SYT16: variants seen among roughly 807,000 people sequenced by gnomAD.
The protein encoded by SYT16 is synaptotagmin 16.
A neutral mutation model predicts 61.4 loss-of-function variants in SYT16; 42 were observed. The ratio of observed to expected loss-of-function variants is 0.68; its 90% CI spans 0.53 to 0.89. SYT16 has a LOEUF of 0.89. Ranked by LOEUF, SYT16 falls within the 40% of genes least tolerant of loss-of-function variation. The pLI, the probability that SYT16 is intolerant of heterozygous loss-of-function variation, is 0.00. For missense variants in SYT16, 804 were observed against 807.3 expected (o/e 1.00, Z 0.05); for synonymous variants, 314 against 302.3 (o/e 1.04, Z -0.40).
chr14:62,052,369 AT>A (rs2055346801), intron 3 of SYT16, among the ~76,000 whole-genome samples: 1 of 152,168 alleles, frequency 6.6e-6, no homozygotes. Context: ...TTCCAAAAGC[AT>A]TTTTATAATT....
chr14:62,087,978 C>A (rs1343726801), intron 7 of SYT16, among the ~76,000 whole-genome samples: 1 of 152,100 alleles, frequency 6.6e-6, no homozygotes, highest in Non-Finnish European at 1.5e-5. Flanking sequence ...AAATTTGCAC[C>A]AAGTATTGGT....
At chr14:61,907,016 G>A (rs1475241) in intron 1 of SYT16, among the ~76,000 whole-genome samples, 26,307 of 152,130 alleles carry the variant, frequency 0.17, 2,722 homozygotes, top group East Asian at 0.33. Context: ...AAGTTATGAT[G>A]GATATAAAAA....
intron 5 of SYT16, chr14:62,079,266 G>T (rs574087749): frequency 2.6e-5 from 19 of 729,870 alleles, no homozygotes; most frequent in Admixed American, 4.1e-5. Context: ...AAACACTCAC[G>T]CATGATTGCA....
At chr14:62,072,892 A>T (rs913174179) in intron 4 of SYT16, among the ~76,000 whole-genome samples, 25 of 152,216 alleles carry the variant, frequency 1.6e-4, no homozygotes, top group Non-Finnish European at 3.4e-4. Flanking sequence ...TCTCTGTTAA[A>T]ATAAATTTGG....
At chr14:61,980,538 G>A (rs147252631) in intron 2 of SYT16, among the ~76,000 whole-genome samples, 25 of 152,254 alleles carry the variant, frequency 1.6e-4, no homozygotes, top group African/African-American at 6.0e-4. Flanking sequence ...TTTGGTGTGT[G>A]CAAATTCCAA....
intron 3 of SYT16, among the ~76,000 whole-genome samples, chr14:62,054,371 T>G (rs2055449331): frequency 6.6e-6 from 1 of 150,582 alleles, no homozygotes; most frequent in Non-Finnish European, 1.5e-5. Context: ...TTTTTTTTTT[T>G]TTTTTTGGAG....
intron 1 of SYT16, among the ~76,000 whole-genome samples, chr14:61,869,005 C>G (rs2047245313): frequency 6.6e-6 from 1 of 151,986 alleles, no homozygotes; most frequent in Admixed American, 6.6e-5. Context: ...CTATGTACTC[C>G]TGATGACTTG....
intron 1 of SYT16, among the ~76,000 whole-genome samples, chr14:61,958,753 T>C (rs994963759): frequency 6.6e-5 from 10 of 152,088 alleles, no homozygotes; most frequent in Admixed American, 1.3e-4. Context: ...GTTCTGTATG[T>C]ATCTGTTAGG....
intron 1 of SYT16, among the ~76,000 whole-genome samples, chr14:61,836,426 T>C (rs1594727575): frequency 1.3e-5 from 2 of 152,282 alleles, no homozygotes; most frequent in South Asian, 4.1e-4. Context: ...AGAAAACCAA[T>C]TGATGGTTTG....
chr14:62,109,298 T>C lies in SYT16; in HGVS notation c.*8591T>C, dbSNP rs533405192. On this transcript the variant is annotated 3_prime_UTR_variant, in exon 8 of 8. Coordinates refer to ENST00000683842, the MANE Select transcript of SYT16 (RefSeq NM_001367656.1). ...GCCTTTTCAGATTGGCTTTTTTTTT[T>C]TTCACTTAGGGATAGTCATGTAAGT... The C allele has an allele frequency of 2.0e-5, 3 of 152,154 alleles. No individual in the cohort carries two copies. Among genetic ancestry groups the C allele is most frequent in the African/African-American group, 7.2e-5 (3 of 41,530 alleles). 9.4% of individuals were successfully genotyped at this position (152,154 alleles called of 1,614,324 possible). A position where few individuals can be genotyped will look rare whatever the true frequency, so the allele number is the denominator to read the frequency against.
At chr14:61,971,271 T>G (rs1595051088) in intron 2 of SYT16, among the ~76,000 whole-genome samples, 2 of 152,334 alleles carry the variant, frequency 1.3e-5, no homozygotes, top group East Asian at 3.9e-4. Context: ...AAAAATTCAT[T>G]ATCTAACAGT....
At chr14:61,847,017 C>T (rs991800104) in intron 1 of SYT16, among the ~76,000 whole-genome samples, 2 of 152,082 alleles carry the variant, frequency 1.3e-5, no homozygotes, top group Admixed American at 6.5e-5. Flanking sequence ...GTACTGTCTA[C>T]ATTTTGAAAA....
At chr14:61,998,072 T>A (rs2052840836) in intron 3 of SYT16, among the ~76,000 whole-genome samples, 1 of 152,084 alleles carries the variant, frequency 6.6e-6, no homozygotes, top group Admixed American at 6.6e-5. Flanking sequence ...TTACTCTCAC[T>A]TTACAGTTGA....
At chr14:61,952,519 A>G (rs995847240) in intron 1 of SYT16, among the ~76,000 whole-genome samples, 4 of 152,236 alleles carry the variant, frequency 2.6e-5, no homozygotes, top group African/African-American at 9.6e-5. Flanking sequence ...CTAGAAGTGT[A>G]TGTGTCTGTG....
At chr14:61,940,561 C>T (rs1032609512) in intron 1 of SYT16, among the ~76,000 whole-genome samples, 14 of 152,166 alleles carry the variant, frequency 9.2e-5, no homozygotes, top group Admixed American at 7.2e-4. Flanking sequence ...CAGTATATTT[C>T]TCATCTGTTA....
At chr14:62,091,329 A>C (rs1430273483) in intron 7 of SYT16, among the ~76,000 whole-genome samples, 1 of 152,198 alleles carries the variant, frequency 6.6e-6, no homozygotes, top group Non-Finnish European at 1.5e-5. Context: ...AAAAGCAACT[A>C]AATGATGCAA....
intron 1 of SYT16, among the ~76,000 whole-genome samples, chr14:61,918,348 G>A (rs542688269): frequency 1.3e-5 from 2 of 152,222 alleles, no homozygotes; most frequent in South Asian, 4.1e-4. Context: ...GAGCATCCAT[G>A]GGGCTAGGAG....
chr14:62,033,487 C>G (rs2054384747), intron 3 of SYT16, among the ~76,000 whole-genome samples: 1 of 152,004 alleles, frequency 6.6e-6, no homozygotes, highest in Non-Finnish European at 1.5e-5. Flanking sequence ...AACACATATT[C>G]TGGAAGAAAT....
intron 1 of SYT16, among the ~76,000 whole-genome samples, chr14:61,949,912 T>G: frequency 6.6e-6 from 1 of 152,170 alleles, no homozygotes; most frequent in East Asian, 1.9e-4. Flanking sequence ...TTCACAAGAC[T>G]TTGTAACACG....
Sources: allele counts gnomAD v4.1 joint callset (sites outside exome capture counted in the v4.1 genomes callset), GRCh38; gene constraint gnomAD v4.1.1; transcripts MANE v1.5; gene names NCBI Gene and HGNC (gene_info 2026-07-23, HGNC 2026-07-21).